STRA8: variants seen among roughly 807,000 people sequenced by gnomAD.
STRA8 encodes the protein stimulated by retinoic acid 8.
In STRA8, 18 loss-of-function variants were observed where a neutral mutation model predicts 37.1. The ratio of observed to expected loss-of-function variants is 0.48; its 90% CI spans 0.34 to 0.72. The LOEUF (loss-of-function observed/expected upper bound fraction) is 0.72. Among genes scored for constraint, STRA8 ranks in the 30% least tolerant of loss-of-function variants. STRA8 has a pLI of 0.01. For missense variants in STRA8, 357 were observed against 410.4 expected, an observed-to-expected ratio of 0.87 and a Z score of 1.13; for synonymous variants, 168 against 162.9, an observed-to-expected ratio of 1.03 and a Z score of -0.24.
intron 8 of STRA8, among the ~76,000 whole-genome samples, chr7:135,256,557 C>A (rs1471705312): frequency 6.6e-6 from 1 of 152,222 alleles, no homozygotes; most frequent in Non-Finnish European, 1.5e-5. Context: ...GGAATCCCAG[C>A]ACTTTGGGAG....
chr7:135,251,973 A>AAGTCAG (rs2117820459), intron 7 of STRA8, 104 bp downstream of exon 7: 1 of 840,078 alleles, frequency 1.2e-6, no homozygotes, highest in East Asian at 3.0e-5. Context: ...TGAATGTGGT[A>AAGTCAG]AGTCAGAGAC....
chr7:135,238,067 C>A (rs1484471584), intron 1 of STRA8, among the ~76,000 whole-genome samples: 5 of 152,182 alleles, frequency 3.3e-5, no homozygotes, highest in African/African-American at 1.2e-4. Flanking sequence ...GAGGCAGGAT[C>A]TAGAGGGAAG....
chr7:135,257,063 C>T (rs568292882), intron 8 of STRA8, among the ~76,000 whole-genome samples: 56 of 152,320 alleles, frequency 3.7e-4, no homozygotes, highest in African/African-American at 1.2e-3. Context: ...GTCCCACCTC[C>T]CTGACACTCT....
intron 6 of STRA8, among the ~76,000 whole-genome samples, chr7:135,249,452 C>T (rs879449556): frequency 6.6e-5 from 10 of 151,986 alleles, no homozygotes; most frequent in Non-Finnish European, 5.9e-5. Context: ...GGCGTGGTGG[C>T]GAGTGCCTGT....
chr7:135,236,084 GGAGCGAGA>G (rs2117783546), intron 1 of STRA8, among the ~76,000 whole-genome samples: 1 of 151,846 alleles, frequency 6.6e-6, no homozygotes, highest in South Asian at 2.1e-4. Context: ...CTTGGTCAAT[GGAGCGAGA>G]CCCTATCTCA....
chr7:135,245,187 A>T, intron 4 of STRA8, 101 bp from the exon 5 acceptor site: 1 of 744,628 alleles, frequency 1.3e-6, no homozygotes, highest in South Asian at 1.5e-5. Context: ...ACACACACAC[A>T]TACATATACA....
At chr7:135,243,568 T>G (rs1009344311) in intron 4 of STRA8, among the ~76,000 whole-genome samples, 158 bp downstream of exon 4, 1 of 152,224 alleles carries the variant, frequency 6.6e-6, no homozygotes, top group Non-Finnish European at 1.5e-5. Context: ...CATTCGTTTC[T>G]CTTTTATTCT....
intron 1 of STRA8, among the ~76,000 whole-genome samples, chr7:135,238,236 CA>C: frequency 6.6e-6 from 1 of 152,266 alleles, no homozygotes; most frequent in African/African-American, 2.4e-5. Flanking sequence ...AGCTCCTGAC[CA>C]GGGGGCGCCT....
chr7:135,236,638 G>A (rs1832382407), intron 1 of STRA8, among the ~76,000 whole-genome samples: 1 of 152,088 alleles, frequency 6.6e-6, no homozygotes, highest in Non-Finnish European at 1.5e-5. Flanking sequence ...ATTAGCAATT[G>A]ACCAACATCA....
Position 135,246,787 on chromosome 7 carries a change from C to T in STRA8, c.879+85C>T, listed in dbSNP as rs1378834634. ...GGGGACACCAGGGCTTTGCATTTAG[C>T]AGGTTGGAGGTGCAGTTTGCCTTCT... On this transcript the variant is annotated intron_variant, in intron 6 of 8. Coordinates refer to ENST00000662584, the MANE Select transcript of STRA8 (RefSeq NM_001394401.1). The surrounding 1 kb of genome is among the most constrained non-coding windows in gnomAD (Gnocchi z 5.4). 10 of 1,383,830 alleles carry T rather than the reference C, an allele frequency of 7.2e-6. No homozygotes were observed. The Admixed American group carries it at 1.4e-4, about 20-fold the overall frequency. The allele number at this position is 1,383,830 out of a possible 1,614,324, so 85.7% of individuals were successfully genotyped here. A position where few individuals can be genotyped will look rare whatever the true frequency, so the allele number is the denominator to read the frequency against.
Position 135,246,219 on chromosome 7 carries a change from A to G in STRA8, c.594-198A>G. 2 of 713,022 alleles carry G rather than the reference A, an allele frequency of 2.8e-6. No individual in the cohort carries two copies. Among genetic ancestry groups the G allele is most frequent in the Non-Finnish European group, 4.6e-6 (2 of 437,022 alleles). 44.2% of individuals were successfully genotyped at this position (713,022 alleles called of 1,614,324 possible). A position where few individuals can be genotyped will look rare whatever the true frequency, so the allele number is the denominator to read the frequency against. Reference sequence around the variant, plus strand: ...ACTTGGGGAGGGGCCCCAAAGCCCAAGTCTATGTCCTTCATGGCCCCCAGG... The same window carrying G: ...ACTTGGGGAGGGGCCCCAAAGCCCAGGTCTATGTCCTTCATGGCCCCCAGG... On this transcript the variant is annotated intron_variant, in intron 5 of 8. Coordinates refer to ENST00000662584, the MANE Select transcript of STRA8 (RefSeq NM_001394401.1). The surrounding 1 kb of genome is among the most constrained non-coding windows in gnomAD (Gnocchi z 5.4).
Position 135,246,525 on chromosome 7 carries a change from G to A in STRA8, c.702G>A (p.Trp234Ter), listed in dbSNP as rs1460768682. 4 of 1,576,208 alleles carry A rather than the reference G, an allele frequency of 2.5e-6. No homozygotes were observed. Among genetic ancestry groups the A allele is most frequent in the Non-Finnish European group, 3.4e-6 (4 of 1,160,806 alleles). ...TCTCCGCGGCCATCTCCCACCTGTGGCAGAACCTCTCGGAGGAGAGGAAGG... is the reference window on the plus strand; with the variant it reads ...TCTCCGCGGCCATCTCCCACCTGTGACAGAACCTCTCGGAGGAGAGGAAGG... ...PIVSAAISHLWQNLSEERKAS... is the reference protein window; with the variant it reads ...PIVSAAISHL Residue 234 changes from tryptophan (W) to a stop codon, truncating the protein, a stop_gained, in exon 6 of 9, where the codon TGG becomes TGA. Transcript: ENST00000662584. LOFTEE classifies it high-confidence loss of function. The surrounding 1 kb of genome is among the most constrained non-coding windows in gnomAD (Gnocchi z 5.4).
upstream of STRA8, among the ~76,000 whole-genome samples, chr7:135,233,520 G>C (rs1237725797): frequency 6.6e-6 from 1 of 152,096 alleles, no homozygotes; most frequent in African/African-American, 2.4e-5. Context: ...CCAGCTGGAG[G>C]GCATCTACTT....
In STRA8 at chr7:135,258,616, G is replaced by A. The variant is rs886312861; in HGVS notation, c.*124G>A. On this transcript the variant is annotated 3_prime_UTR_variant, in exon 9 of 9. Coordinates refer to ENST00000662584, the MANE Select transcript of STRA8 (RefSeq NM_001394401.1). Reference sequence around the variant, plus strand: ...CTCTTTGGAGTGGGTTGTTCCAGAAGCATTTTGATGATTTTAGTTTCTGAT... The same window carrying A: ...CTCTTTGGAGTGGGTTGTTCCAGAAACATTTTGATGATTTTAGTTTCTGAT... 42 of 690,042 alleles carry A rather than the reference G, an allele frequency of 6.1e-5. No homozygotes were observed. Among genetic ancestry groups the A allele is most frequent in the Non-Finnish European group, 8.3e-5 (34 of 408,972 alleles). The allele number at this position is 690,042 out of a possible 1,614,324, so 42.7% of individuals were successfully genotyped here. A position where few individuals can be genotyped will look rare whatever the true frequency, so the allele number is the denominator to read the frequency against.
intron 7 of STRA8, among the ~76,000 whole-genome samples, chr7:135,252,336 T>C (rs1832649835): frequency 6.6e-6 from 1 of 152,058 alleles, no homozygotes; most frequent in African/African-American, 2.4e-5. Flanking sequence ...GTGAGAACTC[T>C]TGTCATGAGA....
rs931534397 is a variant in STRA8, at chr7:135,242,733, C to T, written c.193-48C>T. 2.5e-6 allele frequency: 4 copies of T among 1,594,508 alleles called. No homozygotes were observed. The African/African-American group carries it at 4.0e-5, about 16-fold the overall frequency. On this transcript the variant is annotated intron_variant, in intron 2 of 8. Transcript: ENST00000662584. ...GGATTCCTGGGTCCACAAAATCAGT[C>T]TCTGCAGTGAGAGGCTGGCTTTCAG...
rs1174962622 is a variant in STRA8 at position 135,235,477 on chromosome 7, T to C, written c.-7+1574T>C. On this transcript the variant is annotated intron_variant, in intron 1 of 8. Coordinates refer to ENST00000662584, the MANE Select transcript of STRA8 (RefSeq NM_001394401.1). ...TTTTTTTAAGACAGAGTTTCACTCTTGTGGCCCAGGTTGGAGTCCAGTGGC... is the reference window on the plus strand; with the variant it reads ...TTTTTTTAAGACAGAGTTTCACTCTCGTGGCCCAGGTTGGAGTCCAGTGGC... Among the ~76,000 whole-genome samples, 10 of 151,458 alleles carry C rather than the reference T, an allele frequency of 6.6e-5. No individual in the cohort carries two copies. The South Asian group carries it at 2.1e-3, about 32-fold the overall frequency.
intron 2 of STRA8, among the ~76,000 whole-genome samples, chr7:135,241,339 C>T (rs1832461389): frequency 6.6e-6 from 1 of 152,196 alleles, no homozygotes; most frequent in Non-Finnish European, 1.5e-5. Flanking sequence ...GTTCCCTTCA[C>T]CTCCTCTTTG....
At chr7:135,258,150 A>G (rs576829450) in intron 8 of STRA8, among the ~76,000 whole-genome samples, 2 of 152,286 alleles carry the variant, frequency 1.3e-5, no homozygotes, top group Admixed American at 1.3e-4. Flanking sequence ...TCTTGTGGGA[A>G]CCTGGAAATC....
Sources: gnomAD v4.1 joint callset for allele counts (sites outside exome capture counted in the v4.1 genomes callset) on GRCh38, gnomAD v4.1.1 for gene constraint, Gnocchi (gnomAD v3.1) non-coding constraint, MANE v1.5 for transcripts, NCBI Gene and HGNC (gene_info 2026-07-23, HGNC 2026-07-21) for gene names.